Variants in RDH11 observed in about 807,000 individuals in gnomAD.
The protein encoded by RDH11 is HCV core-binding protein HCBP12.
In RDH11, 19 loss-of-function variants were observed where a neutral mutation model predicts 33.4. The ratio of observed to expected loss-of-function variants is 0.57; its 90% CI spans 0.40 to 0.83. The LOEUF (loss-of-function observed/expected upper bound fraction) is 0.83. Ranked by LOEUF, RDH11 falls within the 40% of genes least tolerant of loss-of-function variation. RDH11 has a pLI of 0.00. For synonymous variants in RDH11, 154 were observed against 155.3 expected (o/e 0.99, Z 0.06); for missense variants, 353 against 389.0 (o/e 0.91, Z 0.78).
At position 67,685,175 on chromosome 14, in the gene RDH11, G is replaced by C. The variant is rs765404283; in HGVS notation, c.694C>G (p.Pro232Ala). 3.1e-6 allele frequency: 5 copies of C among 1,613,934 alleles called. No homozygotes were observed. The highest frequency in any genetic ancestry group is 2.2e-5 in the South Asian group (2 of 91,066). ...GSGVTTYSVH[P>A]GTVQSELVRH... Reference sequence around the variant, plus strand: ...ACCAGTTCAGATTGGACTGTGCCAGGGTGTACAGAATACGTCGTAACGCCA... The same window carrying C: ...ACCAGTTCAGATTGGACTGTGCCAGCGTGTACAGAATACGTCGTAACGCCA... The change falls in exon 6 of 7, where the codon CCT (proline) becomes GCT (alanine). Residue 232 changes from proline to alanine, a missense_variant. Coordinates refer to ENST00000381346, the MANE Select transcript of RDH11 (RefSeq NM_016026.4).
At chr14:67,690,081 A>C (rs2037729569) in intron 5 of RDH11, 131 bp downstream of exon 5, 1 of 724,786 alleles carries the variant, frequency 1.4e-6, no homozygotes, top group South Asian at 1.8e-5. Context: ...TACTTACTAA[A>C]ACTGTACCCA....
intron 5 of RDH11, among the ~76,000 whole-genome samples, chr14:67,689,154 C>T (rs548329815): frequency 1.3e-5 from 2 of 152,324 alleles, no homozygotes; most frequent in African/African-American, 2.4e-5. Context: ...CCTTATCTAT[C>T]CTAAACTGAT....
chr14:67,692,424 A>G lies in RDH11; in HGVS notation c.349+14T>C, dbSNP rs1455931994. ...TCAAGACCCACAACATAGTCTCTCT[A>G]GTTCTACACTTACCAGCTAAGAAGC... On this transcript the variant is annotated intron_variant, in intron 3 of 6. Coordinates refer to ENST00000381346, the MANE Select transcript of RDH11 (RefSeq NM_016026.4). 2 of 1,613,792 alleles carry G rather than the reference A, an allele frequency of 1.2e-6. No homozygotes were observed. The highest frequency in any genetic ancestry group is 1.1e-5 in the South Asian group (1 of 91,034).
Position 67,679,438 on chromosome 14 carries a change from C to T in RDH11, c.855-1015G>A, listed in dbSNP as rs538064124. Among the ~76,000 whole-genome samples the T allele has an allele frequency of 6.1e-5, 9 of 147,630 alleles. No individual in the cohort carries two copies. The South Asian group carries it at 1.9e-3, about 31-fold the overall frequency. Reference sequence around the variant, plus strand: ...TTTTTTTTGGAGGCGGAGTCTCACTCTGTCGCCCAGGCTGGAGTGCAGTGA... The same window carrying T: ...TTTTTTTTGGAGGCGGAGTCTCACTTTGTCGCCCAGGCTGGAGTGCAGTGA... On this transcript the variant is annotated intron_variant, in intron 6 of 6. Transcript: ENST00000381346.
At chr14:67,688,655 C>A (rs1409251144) in intron 5 of RDH11, among the ~76,000 whole-genome samples, 1 of 144,950 alleles carries the variant, frequency 6.9e-6, no homozygotes, top group African/African-American at 2.6e-5. Flanking sequence ...CCAGGCTGAT[C>A]TTGAACTGGC....
At chr14:67,686,258 C>G (rs1192147147) in intron 5 of RDH11, 4 of 152,192 alleles carry the variant, frequency 2.6e-5, no homozygotes, top group South Asian at 2.1e-4. Context: ...TTCTTCATCT[C>G]TAAAATGGGA....
intron 6 of RDH11, among the ~76,000 whole-genome samples, chr14:67,680,803 A>T (rs1276646154): frequency 6.6e-6 from 1 of 152,256 alleles, no homozygotes; most frequent in Non-Finnish European, 1.5e-5. Flanking sequence ...GCATGGTCAC[A>T]GTATTGACAT....
At chr14:67,683,374 C>G (rs1488550411) in intron 6 of RDH11, among the ~76,000 whole-genome samples, 1 of 152,046 alleles carries the variant, frequency 6.6e-6, no homozygotes, top group Non-Finnish European at 1.5e-5. Flanking sequence ...TCTTCTTATA[C>G]TTCAGAACCA....
Position 67,694,112 on chromosome 14 carries a change from T to C in RDH11, c.75-1060A>G, listed in dbSNP as rs541152227. On this transcript the variant is annotated intron_variant, in intron 1 of 6. Coordinates refer to ENST00000381346, the MANE Select transcript of RDH11 (RefSeq NM_016026.4). ...CCAGGAGATGCATTCTTAAAGAGCATTTCAGCCTTTTTCATTGAACTTGGA... is the reference window on the plus strand; with the variant it reads ...CCAGGAGATGCATTCTTAAAGAGCACTTCAGCCTTTTTCATTGAACTTGGA... Among the ~76,000 whole-genome samples the C allele has an allele frequency of 5.3e-5, 8 of 152,260 alleles. No individual in the cohort carries two copies. In the East Asian group the frequency reaches 1.5e-3, roughly 29 times the overall value.
chr14:67,678,813 C>T (rs867904459), intron 6 of RDH11, among the ~76,000 whole-genome samples: 10 of 151,018 alleles, frequency 6.6e-5, no homozygotes, highest in African/African-American at 1.9e-4. Flanking sequence ...CTGCTATTCA[C>T]ATTGGTCAGA....
chr14:67,690,454 G>A, intron 4 of RDH11, 33 bp from the exon 5 acceptor site: 1 of 1,586,438 alleles, frequency 6.3e-7, no homozygotes. Flanking sequence ...ATGAAGTTCA[G>A]GGCCATGTAG....
chr14:67,692,365 C>A (rs956512829), intron 3 of RDH11, 73 bp downstream of exon 3: 66 of 1,522,232 alleles, frequency 4.3e-5, no homozygotes, highest in Non-Finnish European at 3.6e-5. Flanking sequence ...GGAAGAGGGA[C>A]CTTTTCCTTT....
chr14:67,691,019 A>G, intron 4 of RDH11, 121 bp downstream of exon 4: 1 of 717,442 alleles, frequency 1.4e-6, no homozygotes, highest in Non-Finnish European at 2.5e-6. Flanking sequence ...ACTATTATGC[A>G]CACATGGTCT....
rs370801874 is a variant in RDH11 at position 67,690,436 on chromosome 14, T to G, written c.455-15A>C. ...GAGGAAGTGACCTGTTGAGAAATAC[T>G]AGAATTAATGAAGTTCAGGGCCATG... On this transcript the variant is annotated splice_polypyrimidine_tract_variant and intron_variant, in intron 4 of 6. Coordinates refer to ENST00000381346, the MANE Select transcript of RDH11 (RefSeq NM_016026.4). 9.9e-6 allele frequency: 16 copies of G among 1,610,406 alleles called. No individual in the cohort carries two copies. In the African/African-American group the frequency reaches 1.9e-4, roughly 19 times the overall value.
chr14:67,692,716 G>C, intron 2 of RDH11, 123 bp from the exon 3 acceptor site: 1 of 1,183,050 alleles, frequency 8.5e-7, no homozygotes, highest in Non-Finnish European at 1.2e-6. Context: ...CACAACAGAG[G>C]TATCTGATTA....
chr14:67,687,064 G>T (rs979496088), intron 5 of RDH11, among the ~76,000 whole-genome samples: 6 of 152,242 alleles, frequency 3.9e-5, no homozygotes, highest in Admixed American at 3.9e-4. Context: ...AGGCAAAAGG[G>T]TTCTGATGAA....
chr14:67,692,467 A>T lies in RDH11; in HGVS notation c.320T>A (p.Ile107Asn). ...RKLDLSDTKS[I>N]RAFAKGFLAE... is the part of the protein sequence containing the mutation. Reference sequence around the variant, plus strand: ...TAAGAAGCCCTTAGCAAAAGCTCGAATAGACTTAGTATCAGACAGGTCCAG... The same window carrying T: ...TAAGAAGCCCTTAGCAAAAGCTCGATTAGACTTAGTATCAGACAGGTCCAG... The change falls in exon 3 of 7, where the codon ATT becomes AAT. Residue 107 changes from isoleucine (I) to asparagine (N), a missense_variant. By Grantham distance (149) the Ile-to-Asn change is moderately radical. Coordinates refer to ENST00000381346, the MANE Select transcript of RDH11 (RefSeq NM_016026.4). 3.7e-6 allele frequency: 6 copies of T among 1,614,150 alleles called. No homozygotes were observed. The highest frequency in any genetic ancestry group is 5.1e-6 in the Non-Finnish European group (6 of 1,180,030).
In RDH11 at chr14:67,678,184, G is replaced by C; in HGVS notation, c.*137C>G. 1 of 614,932 alleles carries C rather than the reference G, an allele frequency of 1.6e-6. No homozygotes were observed. The allele number at this position is 614,932 out of a possible 1,614,324, so 38.1% of individuals were successfully genotyped here. On this transcript the variant is annotated 3_prime_UTR_variant, in exon 7 of 7. Coordinates refer to ENST00000381346, the MANE Select transcript of RDH11 (RefSeq NM_016026.4). ...CTGGCAGTACACTGAGTTTTAACTGGACACCAAGCAGGCAAGGCTGGAAGG... is the reference window on the plus strand; with the variant it reads ...CTGGCAGTACACTGAGTTTTAACTGCACACCAAGCAGGCAAGGCTGGAAGG...
chr14:67,689,893 C>T (rs896830174), intron 5 of RDH11, among the ~76,000 whole-genome samples: 1 of 151,592 alleles, frequency 6.6e-6, no homozygotes, highest in South Asian at 2.1e-4. Context: ...GGCAGTGAGC[C>T]GAGATTGCAC....
Sources: allele counts gnomAD v4.1 joint callset (sites outside exome capture counted in the v4.1 genomes callset), GRCh38; gene constraint gnomAD v4.1.1; transcripts MANE v1.5; gene names NCBI Gene and HGNC (gene_info 2026-07-23, HGNC 2026-07-21).